DGAT2: variants seen among roughly 807,000 people sequenced by gnomAD.
The protein encoded by DGAT2 is acyl-CoA retinol O-fatty-acyltransferase.
DGAT2 carries 33 observed loss-of-function variants against 48.4 expected under a neutral mutation model. The observed-to-expected ratio is 0.68, with a 90% CI of 0.52 to 0.91. The LOEUF (loss-of-function observed/expected upper bound fraction) is 0.91, where lower values mean the gene tolerates loss of function less well. Ranked by LOEUF, DGAT2 falls within the 40% of genes least tolerant of loss-of-function variation. DGAT2 has a pLI of 0.00. For missense variants in DGAT2, 446 were observed against 493.7 expected (o/e 0.90, Z 0.92); for synonymous variants, 191 against 194.1 (o/e 0.98, Z 0.13).
At chr11:75,794,514 A>G (rs898556538) in intron 4 of DGAT2, 7 of 152,252 alleles carry the variant, frequency 4.6e-5, no homozygotes, top group East Asian at 3.8e-4. Flanking sequence ...CACAAAAGCA[A>G]TCAGATATGT....
intron 2 of DGAT2, among the ~76,000 whole-genome samples, chr11:75,786,481 G>A (rs1217788258): frequency 6.6e-6 from 1 of 152,148 alleles, no homozygotes; most frequent in Non-Finnish European, 1.5e-5. Flanking sequence ...GGCCTGGCTG[G>A]TAGGGAGCTG....
chr11:75,783,045 T>C (rs913800036), intron 1 of DGAT2, among the ~76,000 whole-genome samples: 1 of 152,236 alleles, frequency 6.6e-6, no homozygotes, highest in African/African-American at 2.4e-5. Flanking sequence ...GGAGCAATTA[T>C]GAGGCAGACC....
chr11:75,796,658 A>G (rs1246571374), intron 5 of DGAT2, 126 bp downstream of exon 5: 5 of 971,626 alleles, frequency 5.1e-6, no homozygotes, highest in African/African-American at 4.9e-5. Flanking sequence ...GGGAGATGCA[A>G]CCTGCTTCAG....
chr11:75,796,556 C>T (rs755919793), intron 5 of DGAT2, 24 bp downstream of exon 5: 25 of 1,604,768 alleles, frequency 1.6e-5, no homozygotes, highest in Non-Finnish European at 2.1e-5. Flanking sequence ...CCCTGTGCTC[C>T]TGCTGGGCAC....
At chr11:75,774,057 C>T (rs530379185) in intron 1 of DGAT2, 1 of 152,322 alleles carries the variant, frequency 6.6e-6, no homozygotes, top group South Asian at 2.1e-4. Context: ...ACAAGAGAGA[C>T]AGAGAGGATG....
At chr11:75,776,444 A>G in intron 1 of DGAT2, 1 of 152,492 alleles carries the variant, frequency 6.6e-6, no homozygotes, top group Non-Finnish European at 1.5e-5. Flanking sequence ...ACCCAGGTGG[A>G]GGAGAAGGAA....
At position 75,798,384 on chromosome 11, in the gene DGAT2, G is replaced by A. The variant is rs201842357; in HGVS notation, c.967G>A (p.Asp323Asn). 2.0e-5 allele frequency: 33 copies of A among 1,613,802 alleles called. No homozygotes were observed. Among genetic ancestry groups the A allele is most frequent in the African/African-American group, 1.2e-4 (9 of 75,024 alleles). The change falls in exon 7 of 8, where the codon GAC (aspartate) becomes AAC (asparagine). Residue 323 changes from aspartate (D) to asparagine (N), a missense_variant. Transcript: ENST00000228027. ...IFHGRGLFSS[D>N]TWGLVPYSKP... ...CCATGGTCGAGGCCTCTTCTCCTCC[G>A]ACACCTGGGGGCTGGTGCCCTACTC...
rs1270584470 is a variant in DGAT2 at position 75,801,454 on chromosome 11, TTC to T, written c.*948_*949del. 6.5e-6 allele frequency: 1 copy of T among 152,686 alleles called. No homozygotes were observed. The highest frequency in any genetic ancestry group is 1.5e-5 in the Non-Finnish European group (1 of 68,064). 9.5% of individuals were successfully genotyped at this position (152,686 alleles called of 1,614,324 possible). On this transcript the variant is annotated 3_prime_UTR_variant, in exon 8 of 8. Transcript: ENST00000228027. ...AGGAAACCCAACCCTCTCCTGTGTG[TTC>T]TGTTATCTCTTGATGAGATCATTGC... is the stretch of plus-strand genomic sequence containing the variant.
chr11:75,769,782 T>C (rs564576048), intron 1 of DGAT2, among the ~76,000 whole-genome samples: 1 of 152,066 alleles, frequency 6.6e-6, no homozygotes, highest in East Asian at 1.9e-4. Flanking sequence ...GGAGGAAGCA[T>C]GCCTAAGTTT....
chr11:75,783,547 G>C (rs1346029766), intron 1 of DGAT2, among the ~76,000 whole-genome samples: 1 of 152,198 alleles, frequency 6.6e-6, no homozygotes, highest in Non-Finnish European at 1.5e-5. Context: ...TAACTCATCT[G>C]TGCTCTGGGT....
chr11:75,788,219 T>G (rs1944943391), intron 2 of DGAT2, among the ~76,000 whole-genome samples: 1 of 152,122 alleles, frequency 6.6e-6, no homozygotes, highest in Admixed American at 6.5e-5. Flanking sequence ...CTGTAGAGTC[T>G]GGGGGGCTAG....
At chr11:75,783,151 C>G (rs1294455608) in intron 1 of DGAT2, among the ~76,000 whole-genome samples, 2 of 152,208 alleles carry the variant, frequency 1.3e-5, no homozygotes, top group Non-Finnish European at 2.9e-5. Context: ...TTATTAGATG[C>G]TACTGAACAC....
chr11:75,790,807 A>G (rs2510635), intron 4 of DGAT2, 76 bp downstream of exon 4: 1,508,285 of 1,513,482 alleles, frequency 1, 751,586 homozygotes, highest in Middle Eastern at 1. Flanking sequence ...ACCCACCCAC[A>G]GGGAAGCAAG....
At chr11:75,770,621 C>T (rs1439781139) in intron 1 of DGAT2, among the ~76,000 whole-genome samples, 1 of 152,182 alleles carries the variant, frequency 6.6e-6, no homozygotes, top group East Asian at 1.9e-4. Flanking sequence ...CCCATTCCGT[C>T]GGCTCTGCCA....
intron 7 of DGAT2, among the ~76,000 whole-genome samples, chr11:75,799,247 T>C (rs559473936): frequency 1.3e-5 from 2 of 152,180 alleles, no homozygotes; most frequent in African/African-American, 4.8e-5. Context: ...CTGGGTCCTG[T>C]GGGCAATGTG....
intron 2 of DGAT2, among the ~76,000 whole-genome samples, chr11:75,786,633 C>T (rs748929703): frequency 3.3e-5 from 5 of 152,232 alleles, no homozygotes; most frequent in Non-Finnish European, 5.9e-5. Context: ...CACCTCGCCT[C>T]GCCTCGCATA....
At chr11:75,774,949 A>T (rs1944790750) in intron 1 of DGAT2, among the ~76,000 whole-genome samples, 1 of 152,050 alleles carries the variant, frequency 6.6e-6, no homozygotes, top group Admixed American at 6.6e-5. Flanking sequence ...CTGGATGTAG[A>T]TCCATGTTCG....
intron 2 of DGAT2, among the ~76,000 whole-genome samples, chr11:75,788,427 CTGG>C (rs1944946287): frequency 1.3e-5 from 2 of 152,194 alleles, no homozygotes; most frequent in South Asian, 4.1e-4. Flanking sequence ...CACCCCTAAG[CTGG>C]TCCTGAAAAA....
intron 6 of DGAT2, among the ~76,000 whole-genome samples, chr11:75,797,747 C>T (rs576161269): frequency 6.6e-6 from 1 of 152,188 alleles, no homozygotes; most frequent in East Asian, 1.9e-4. Context: ...CCTGCAGGCT[C>T]AGCCCTGGGC....
Sources: allele counts gnomAD v4.1 joint callset (sites outside exome capture counted in the v4.1 genomes callset), GRCh38; gene constraint gnomAD v4.1.1; transcripts MANE v1.5; gene names NCBI Gene and HGNC (gene_info 2026-07-23, HGNC 2026-07-21).